CACNA1A: variants seen among roughly 807,000 people sequenced by gnomAD.
CACNA1A encodes voltage-dependent P/Q-type calcium channel subunit alpha-1A.
In CACNA1A, 57 loss-of-function variants were observed where a neutral mutation model predicts 262.4. The observed-to-expected ratio is 0.22, with a 90% CI of 0.18 to 0.27. The LOEUF is 0.27. CACNA1A is among the 10% of genes least tolerant of loss of function. The pLI is 1.00. For missense variants in CACNA1A, 2,526 were observed against 3,562.8 expected (o/e 0.71, Z 7.41); for synonymous variants, 1,431 against 1,419.3 (o/e 1.01, Z -0.18).
chr19:13,307,759 G>GT, intron 15 of CACNA1A, 23 bp downstream of exon 15: 1 of 1,605,980 alleles, frequency 6.2e-7, no homozygotes, highest in Non-Finnish European at 8.5e-7. Flanking sequence ...GTGTTGGCCC[G>GT]TGGGGCCAGG....
chr19:13,270,398 G>A (rs1321584965), intron 24 of CACNA1A, among the ~76,000 whole-genome samples: 1 of 121,192 alleles, frequency 8.3e-6, no homozygotes, highest in African/African-American at 3.1e-5. Context: ...ATAAGCAGAG[G>A]ACCCTGGGGT....
In CACNA1A at chr19:13,498,172, C is replaced by T. The variant is rs760321831; in HGVS notation, c.293+7760G>A. On this transcript the variant is annotated intron_variant, in intron 1 of 46. Transcript: ENST00000360228. ...AATAAAGATCATGGAGATAAAAGAACGTGACAGACTCTGGAAGATCAGAAT... is the reference window on the plus strand; with the variant it reads ...AATAAAGATCATGGAGATAAAAGAATGTGACAGACTCTGGAAGATCAGAAT... 3.9e-5 allele frequency among the ~76,000 whole-genome samples: 6 copies of T among 151,950 alleles called. No individual in the cohort carries two copies. The South Asian group carries it at 6.2e-4, about 16-fold the overall frequency.
intron 4 of CACNA1A, among the ~76,000 whole-genome samples, chr19:13,367,025 C>T (rs542306355): frequency 1.3e-5 from 2 of 151,796 alleles, no homozygotes; most frequent in African/African-American, 4.9e-5. Context: ...GGCGCGGCGG[C>T]GGTTCACGCC....
chr19:13,445,619 C>T (rs1273718235), intron 3 of CACNA1A, among the ~76,000 whole-genome samples: 1 of 152,206 alleles, frequency 6.6e-6, no homozygotes, highest in Non-Finnish European at 1.5e-5. Context: ...CTTTTCTTAA[C>T]ATGCACGATT....
intron 38 of CACNA1A, among the ~76,000 whole-genome samples, chr19:13,219,301 C>G (rs540481980): frequency 6.6e-6 from 1 of 152,034 alleles, no homozygotes; most frequent in Non-Finnish European, 1.5e-5. Flanking sequence ...CTCGCCCTCC[C>G]AAAGTGCTGG....
At position 13,227,506 on chromosome 19, in the gene CACNA1A, G is replaced by A; in HGVS notation, c.5550C>T (p.Asp1850=). ...ACATGTGTCTCAGCATCTGATACAT[G>A]TCCAGGTAAGGCATGCGGCCCCTGG... ...PAAWGRMPYL[D]MYQMLRHMSP... Residue 1850 remains aspartate, a synonymous_variant, in exon 37 of 47, where the codon GAC becomes GAT. Coordinates refer to ENST00000360228, the MANE Select transcript of CACNA1A (RefSeq NM_001127222.2). 2 of 1,598,220 alleles carry A rather than the reference G, an allele frequency of 1.3e-6. No individual in the cohort carries two copies. The highest frequency in any genetic ancestry group is 2.3e-5 in the South Asian group (2 of 88,518).
chr19:13,341,934 C>A (rs2058682558), intron 6 of CACNA1A, among the ~76,000 whole-genome samples: 1 of 152,184 alleles, frequency 6.6e-6, no homozygotes, highest in East Asian at 1.9e-4. Flanking sequence ...ACAGTCGGTG[C>A]TCAATAAGTG....
At chr19:13,465,277 T>C (rs764760112) in intron 1 of CACNA1A, among the ~76,000 whole-genome samples, 2 of 152,126 alleles carry the variant, frequency 1.3e-5, no homozygotes, top group African/African-American at 2.4e-5. Flanking sequence ...ATACCTACCG[T>C]CATCATAGCT....
chr19:13,279,274 T>C (rs370126501), intron 22 of CACNA1A, among the ~76,000 whole-genome samples: 5 of 152,300 alleles, frequency 3.3e-5, no homozygotes, highest in Middle Eastern at 3.4e-3. Context: ...TTTCATCTAT[T>C]TGAAAATGTT....
rs200820973 is a variant in CACNA1A, at chr19:13,351,402, C to T, written c.978+8204G>A. ...TGTTGCCCAGGCTGGAGTGCAGTGG[C>T]GGGATCATAGCTCACTGCAGCCTTG... On this transcript the variant is annotated intron_variant, in intron 6 of 46. Transcript: ENST00000360228. 7.9e-5 allele frequency among the ~76,000 whole-genome samples: 12 copies of T among 152,226 alleles called. No individual in the cohort carries two copies. In the East Asian group the frequency reaches 1.4e-3, roughly 17 times the overall value.
Position 13,283,400 on chromosome 19 carries a change from T to C in CACNA1A, c.3693-4A>G, listed in dbSNP as rs1395437768. ...GTAATGGCACAGGCGGCGAAGGCTG[T>C]TGGAGACAGATGGGCGTGCAGAGGT... On this transcript the variant is annotated splice_polypyrimidine_tract_variant and splice_region_variant and intron_variant, in intron 21 of 46. Coordinates refer to ENST00000360228, the MANE Select transcript of CACNA1A (RefSeq NM_001127222.2). 6.2e-7 allele frequency: 1 copy of C among 1,613,872 alleles called. No individual in the cohort carries two copies. The highest frequency in any genetic ancestry group is 8.5e-7 in the Non-Finnish European group (1 of 1,179,812).
At chr19:13,406,468 T>C (rs1405294056) in intron 3 of CACNA1A, among the ~76,000 whole-genome samples, 1 of 13,782 alleles carries the variant, frequency 7.3e-5, no homozygotes, top group Non-Finnish European at 1.8e-4. Context: ...AAAAAAATTA[T>C]ATATATATAT....
At chr19:13,259,401 G>A in intron 27 of CACNA1A, 163 bp downstream of exon 27, 1 of 281,294 alleles carries the variant, frequency 3.6e-6, no homozygotes, top group Non-Finnish European at 6.5e-6. Context: ...CAAACTCCTG[G>A]CCTCAAGTGA....
intron 6 of CACNA1A, among the ~76,000 whole-genome samples, chr19:13,348,545 A>C (rs1338434793): frequency 2.6e-5 from 4 of 152,134 alleles, no homozygotes; most frequent in African/African-American, 9.6e-5. Flanking sequence ...TCTGTTAAAA[A>C]TACAAAAAAT....
chr19:13,208,607 C>A, intron 46 of CACNA1A, 149 bp downstream of exon 46: 4 of 1,018,396 alleles, frequency 3.9e-6, no homozygotes, highest in Non-Finnish European at 5.5e-6. Context: ...GGCCGCCGGG[C>A]ACCCCGGTGG....
intron 3 of CACNA1A, among the ~76,000 whole-genome samples, chr19:13,402,885 T>C (rs1264391027): frequency 0.025 from 2,099 of 85,260 alleles, 62 homozygotes; most frequent in African/African-American, 0.12. Context: ...TATATATATA[T>C]ATATATATAT....
At chr19:13,365,256 T>C in intron 5 of CACNA1A, 61 bp downstream of exon 5, 1 of 1,478,484 alleles carries the variant, frequency 6.8e-7, no homozygotes, top group Non-Finnish European at 9.3e-7. Context: ...TGCCTAATCC[T>C]CCCAAGAGCT....
chr19:13,463,159 A>G (rs901856192), intron 1 of CACNA1A, among the ~76,000 whole-genome samples: 3 of 151,160 alleles, frequency 2.0e-5, no homozygotes, highest in African/African-American at 4.9e-5. Flanking sequence ...AAAAAAAAAA[A>G]ATAGAATGCA....
At chr19:13,244,879 G>A (rs2056184660) in intron 31 of CACNA1A, 1 of 351,396 alleles carries the variant, frequency 2.8e-6, no homozygotes, top group East Asian at 4.6e-5. Context: ...GAGCTTTTGA[G>A]TGTCTCAGTT....
Sources: gnomAD v4.1 joint callset for allele counts (sites outside exome capture counted in the v4.1 genomes callset) on GRCh38, gnomAD v4.1.1 for gene constraint, MANE v1.5 for transcripts, NCBI Gene and HGNC (gene_info 2026-07-23, HGNC 2026-07-21) for gene names.